CDKAL1: variants seen among roughly 807,000 people sequenced by gnomAD.
The protein encoded by CDKAL1 is threonylcarbamoyladenosine tRNA methylthiotransferase.
Under a neutral mutation model 68.2 loss-of-function variants are expected in CDKAL1, and 32 were observed. That is an observed-to-expected ratio of 0.47 (90% confidence interval 0.35 to 0.63). The LOEUF is 0.63. Ranked by LOEUF, CDKAL1 falls within the 30% of genes least tolerant of loss-of-function variation. The pLI, the probability that CDKAL1 is intolerant of heterozygous loss-of-function variation, is 0.00. For missense variants in CDKAL1, 606 were observed against 696.7 expected, an observed-to-expected ratio of 0.87 and a Z score of 1.47; for synonymous variants, 234 against 244.3, an observed-to-expected ratio of 0.96 and a Z score of 0.39.
chr6:21,206,124 C>T (rs1778925841), intron 15 of CDKAL1, among the ~76,000 whole-genome samples: 1 of 152,154 alleles, frequency 6.6e-6, no homozygotes, highest in African/African-American at 2.4e-5. Context: ...AGCCACCACA[C>T]CGGACCAGTC....
intron 7 of CDKAL1, among the ~76,000 whole-genome samples, chr6:20,764,076 T>C (rs888949920): frequency 1.1e-4 from 17 of 148,196 alleles, no homozygotes; most frequent in African/African-American, 4.2e-4. Context: ...CATTAAAAAC[T>C]TTTTTTTGTA....
At chr6:21,044,690 A>C (rs1770123639) in intron 11 of CDKAL1, among the ~76,000 whole-genome samples, 1 of 152,220 alleles carries the variant, frequency 6.6e-6, no homozygotes. Context: ...GAAAGGCAGT[A>C]GTTTTCAAGT....
intron 4 of CDKAL1, among the ~76,000 whole-genome samples, chr6:20,575,843 G>T (rs549360319): frequency 6.6e-6 from 1 of 151,908 alleles, no homozygotes; most frequent in Non-Finnish European, 1.5e-5. Flanking sequence ...ATGATGCTTC[G>T]TAAGGAACAA....
intron 12 of CDKAL1, among the ~76,000 whole-genome samples, chr6:21,077,735 C>T (rs1412990674): frequency 6.6e-6 from 1 of 152,212 alleles, no homozygotes; most frequent in African/African-American, 2.4e-5. Flanking sequence ...CACCAGGTCC[C>T]TTCTTCAACA....
chr6:20,812,403 T>C (rs1327283811), intron 8 of CDKAL1, among the ~76,000 whole-genome samples: 1 of 152,234 alleles, frequency 6.6e-6, no homozygotes, highest in African/African-American at 2.4e-5. Context: ...TATTTTGACA[T>C]GCTGTCAGTA....
At chr6:20,967,306 T>C (rs1324615915) in intron 10 of CDKAL1, among the ~76,000 whole-genome samples, 1 of 152,230 alleles carries the variant, frequency 6.6e-6, no homozygotes, top group East Asian at 1.9e-4. Context: ...GTTCAACTCA[T>C]AACAGCCTCC....
At chr6:20,646,887 G>A (rs945641886) in intron 4 of CDKAL1, among the ~76,000 whole-genome samples, 4 of 152,064 alleles carry the variant, frequency 2.6e-5, no homozygotes, top group South Asian at 4.2e-4. Flanking sequence ...GGGATTACAG[G>A]TGCCCGCCCC....
rs1446588252 is a variant in CDKAL1 at position 21,177,975 on chromosome 6, G to T, written c.1300-20046G>T. 5.3e-5 allele frequency among the ~76,000 whole-genome samples: 8 copies of T among 152,116 alleles called. No individual in the cohort carries two copies. The South Asian group carries it at 1.2e-3, about 24-fold the overall frequency. ...TTTAAGCTTTTCCCATTTTATAATT[G>T]TCAAAACTAAACAGCTTGTCCAAAC... is the stretch of plus-strand genomic sequence containing the variant. On this transcript the variant is annotated intron_variant, in intron 13 of 15. Transcript: ENST00000274695.
At chr6:20,828,144 A>C (rs1016240410) in intron 8 of CDKAL1, among the ~76,000 whole-genome samples, 4 of 152,164 alleles carry the variant, frequency 2.6e-5, no homozygotes, top group African/African-American at 9.7e-5. Flanking sequence ...CTTTTATTAT[A>C]TTTAAGCATG....
intron 8 of CDKAL1, among the ~76,000 whole-genome samples, chr6:20,824,976 G>A (rs1024170062): frequency 1.3e-5 from 2 of 152,172 alleles, no homozygotes; most frequent in Non-Finnish European, 2.9e-5. Context: ...CAGATAAGTT[G>A]TAGTTAATTG....
chr6:20,764,993 T>C (rs923224214), intron 7 of CDKAL1, among the ~76,000 whole-genome samples: 7 of 152,170 alleles, frequency 4.6e-5, no homozygotes, highest in African/African-American at 1.7e-4. Context: ...TTCTACCTTC[T>C]AGTGAGTAAA....
chr6:20,860,381 A>G (rs1451550690), intron 9 of CDKAL1, among the ~76,000 whole-genome samples: 30 of 152,194 alleles, frequency 2.0e-4, no homozygotes, highest in Admixed American at 1.6e-3. Flanking sequence ...GCTCAGCCAA[A>G]GCATTTATCA....
intron 8 of CDKAL1, among the ~76,000 whole-genome samples, chr6:20,840,885 T>C (rs1460854091): frequency 6.6e-6 from 1 of 152,244 alleles, no homozygotes; most frequent in Non-Finnish European, 1.5e-5. Context: ...TTTTGGTTTC[T>C]TGGGTTTTTG....
chr6:20,793,580 G>T (rs1423559394), intron 8 of CDKAL1, among the ~76,000 whole-genome samples: 1 of 151,876 alleles, frequency 6.6e-6, no homozygotes, highest in African/African-American at 2.4e-5. Context: ...TTTATCAAAT[G>T]ATTGTTTATC....
At chr6:21,011,493 T>C (rs1768017078) in intron 11 of CDKAL1, among the ~76,000 whole-genome samples, 1 of 152,250 alleles carries the variant, frequency 6.6e-6, no homozygotes, top group African/African-American at 2.4e-5. Flanking sequence ...TTTATTCTAC[T>C]AGTATTTATT....
intron 4 of CDKAL1, among the ~76,000 whole-genome samples, chr6:20,587,417 G>C (rs1015284611): frequency 1.1e-4 from 16 of 151,994 alleles, no homozygotes; most frequent in Non-Finnish European, 2.2e-4. Flanking sequence ...AGGTTTATAT[G>C]ATAATCTTGA....
intron 13 of CDKAL1, among the ~76,000 whole-genome samples, chr6:21,114,945 A>ATCTAC: frequency 6.6e-6 from 1 of 152,290 alleles, no homozygotes; most frequent in African/African-American, 2.4e-5. Flanking sequence ...CAGGGAATTC[A>ATCTAC]TATCTACTAG....
At chr6:21,069,825 C>A (rs1771670350) in intron 12 of CDKAL1, among the ~76,000 whole-genome samples, 1 of 112,576 alleles carries the variant, frequency 8.9e-6, no homozygotes, top group Non-Finnish European at 1.7e-5. Flanking sequence ...CTTGCTCTGT[C>A]ACCCAGGCTG....
At chr6:20,556,799 A>C (rs1764060590) in intron 4 of CDKAL1, among the ~76,000 whole-genome samples, 1 of 152,106 alleles carries the variant, frequency 6.6e-6, no homozygotes, top group Non-Finnish European at 1.5e-5. Context: ...GCACTTTGGG[A>C]GGCTGAGGCG....
Sources: gnomAD v4.1 joint callset for allele counts (sites outside exome capture counted in the v4.1 genomes callset) on GRCh38, gnomAD v4.1.1 for gene constraint, MANE v1.5 for transcripts, NCBI Gene and HGNC (gene_info 2026-07-23, HGNC 2026-07-21) for gene names.